Variants in PXYLP1 observed in about 807,000 individuals in gnomAD.
PXYLP1 encodes the protein 2-phosphoxylose phosphatase 1, also known as acid phosphatase-like 2.
A neutral mutation model predicts 37.9 loss-of-function variants in PXYLP1; 17 were observed. The ratio of observed to expected loss-of-function variants is 0.45; its 90% CI spans 0.31 to 0.67. The LOEUF (loss-of-function observed/expected upper bound fraction) is 0.67. Among genes scored for constraint, PXYLP1 ranks in the 30% least tolerant of loss-of-function variants. PXYLP1 has a pLI of 0.07. For synonymous variants in PXYLP1, 221 were observed against 232.2 expected, an observed-to-expected ratio of 0.95 and a Z score of 0.44; for missense variants, 511 against 612.0, an observed-to-expected ratio of 0.84 and a Z score of 1.74.
At chr3:141,262,296 G>A (rs952000253) in intron 2 of PXYLP1, 2 of 997,666 alleles carry the variant, frequency 2.0e-6, no homozygotes, top group Admixed American at 6.0e-5. Context: ...AAATATTCCA[G>A]ATGGCAAATG....
intron 1 of PXYLP1, among the ~76,000 whole-genome samples, chr3:141,250,474 C>T (rs1941116327): frequency 6.6e-6 from 1 of 152,214 alleles, no homozygotes; most frequent in African/African-American, 2.4e-5. Context: ...TGGGCGTCTG[C>T]CAGGAGGTGC....
At chr3:141,285,148 T>TCTTC (rs1553754982) in intron 4 of PXYLP1, among the ~76,000 whole-genome samples, 1 of 134,972 alleles carries the variant, frequency 7.4e-6, no homozygotes, top group Non-Finnish European at 1.6e-5. Context: ...CTTTTTCTTT[T>TCTTC]TTTTTTTTTT....
At chr3:141,248,491 G>A (rs973854773) in intron 1 of PXYLP1, among the ~76,000 whole-genome samples, 4 of 116,676 alleles carry the variant, frequency 3.4e-5, no homozygotes, top group African/African-American at 5.7e-5. Context: ...ATATGTGTGC[G>A]TGTGTGTATA....
intron 1 of PXYLP1, among the ~76,000 whole-genome samples, chr3:141,236,883 G>T (rs1247597417): frequency 6.6e-6 from 1 of 152,072 alleles, no homozygotes; most frequent in African/African-American, 2.4e-5. Flanking sequence ...ATATAAATAT[G>T]AACTATCTTG....
intron 2 of PXYLP1, chr3:141,274,026 G>A (rs1390490401): frequency 3.7e-5 from 36 of 986,280 alleles, no homozygotes; most frequent in Non-Finnish European, 4.2e-5. Context: ...CTCTTGCCCT[G>A]TGACATCTGA....
chr3:141,264,874 C>A (rs747723407), intron 2 of PXYLP1, among the ~76,000 whole-genome samples: 9 of 152,196 alleles, frequency 5.9e-5, no homozygotes, highest in Non-Finnish European at 8.8e-5. Context: ...TATAAAACAC[C>A]CAGAACAGTA....
In PXYLP1 at chr3:141,293,192, GGGAA is replaced by G; in HGVS notation, c.1434_1437del (p.Glu478AspfsTer30). 6.2e-7 allele frequency: 1 copy of G among 1,613,254 alleles called. No individual in the cohort carries two copies. The highest frequency in any genetic ancestry group is 8.5e-7 in the Non-Finnish European group (1 of 1,179,658). On this transcript the variant is annotated frameshift_variant, in exon 6 of 6. Transcript: ENST00000286353. LOFTEE classifies it high-confidence loss of function. ...ACAAATTATTATGATGCATGTCACA[GGGAA>G]GGATTCTAAAAGGTATGCAGTACAG... is the stretch of plus-strand genomic sequence containing the variant.
At chr3:141,290,012 C>T (rs1207694554) in intron 5 of PXYLP1, among the ~76,000 whole-genome samples, 2 of 152,156 alleles carry the variant, frequency 1.3e-5, no homozygotes, top group East Asian at 3.8e-4. Context: ...CTCCTGTTTC[C>T]TCATTCTCTT....
chr3:141,257,562 C>T (rs1941288903), intron 1 of PXYLP1, among the ~76,000 whole-genome samples: 1 of 152,154 alleles, frequency 6.6e-6, no homozygotes, highest in Non-Finnish European at 1.5e-5. Context: ...CCACTGTTTC[C>T]ACCAAATGCC....
chr3:141,282,239 A>G (rs972384958), intron 4 of PXYLP1, among the ~76,000 whole-genome samples: 3 of 152,120 alleles, frequency 2.0e-5, no homozygotes, highest in African/African-American at 7.2e-5. Context: ...CAGGCACTGT[A>G]TGCTGCCTCA....
chr3:141,255,913 CAGGCTGGAAAACCT>C, intron 1 of PXYLP1, among the ~76,000 whole-genome samples: 1 of 152,152 alleles, frequency 6.6e-6, no homozygotes, highest in African/African-American at 2.4e-5. Context: ...GCAGATGTTC[CAGGCTGGAAAACCT>C]AGGGCAAGGC....
At chr3:141,239,211 T>A (rs1480095956) in intron 1 of PXYLP1, among the ~76,000 whole-genome samples, 1 of 152,246 alleles carries the variant, frequency 6.6e-6, no homozygotes, top group East Asian at 1.9e-4. Context: ...CTCTGACTTC[T>A]CTGGTCATGA....
chr3:141,232,187 C>G (rs1188607511), intron 1 of PXYLP1: 2 of 152,606 alleles, frequency 1.3e-5, no homozygotes, highest in Non-Finnish European at 2.9e-5. Context: ...GTCCCAGCCC[C>G]GGCGCCCGCC....
chr3:141,242,953 C>CTGAA (rs1207139327), intron 1 of PXYLP1, among the ~76,000 whole-genome samples: 162 of 152,282 alleles, frequency 1.1e-3, no homozygotes, highest in African/African-American at 3.2e-3. Context: ...CAGTAAATAT[C>CTGAA]TGAATGAATG....
intron 3 of PXYLP1, among the ~76,000 whole-genome samples, chr3:141,279,120 C>T (rs1358776477): frequency 6.6e-6 from 1 of 152,204 alleles, no homozygotes; most frequent in African/African-American, 2.4e-5. Flanking sequence ...CACCAGCCTC[C>T]CGTTGTTTCC....
intron 4 of PXYLP1, among the ~76,000 whole-genome samples, chr3:141,287,062 G>T (rs187089815): frequency 2.6e-5 from 4 of 152,334 alleles, no homozygotes; most frequent in Admixed American, 2.6e-4. Flanking sequence ...AAGATAGACG[G>T]CGAAGCTGAA....
At chr3:141,264,759 G>C (rs947845874) in intron 2 of PXYLP1, among the ~76,000 whole-genome samples, 5 of 152,306 alleles carry the variant, frequency 3.3e-5, no homozygotes, top group South Asian at 4.1e-4. Context: ...GTGACCTCAG[G>C]CAACTTCTTT....
At chr3:141,245,874 A>G (rs1356253327) in intron 1 of PXYLP1, among the ~76,000 whole-genome samples, 2 of 152,246 alleles carry the variant, frequency 1.3e-5, no homozygotes, top group Non-Finnish European at 2.9e-5. Flanking sequence ...TATGAAAAGT[A>G]CACAGCTTTG....
intron 1 of PXYLP1, among the ~76,000 whole-genome samples, chr3:141,237,334 T>G (rs1376617572): frequency 6.6e-6 from 1 of 152,236 alleles, no homozygotes; most frequent in African/African-American, 2.4e-5. Context: ...TTTGTAGATG[T>G]CAGAGGTTCT....
Sources: allele counts gnomAD v4.1 joint callset (sites outside exome capture counted in the v4.1 genomes callset), GRCh38; gene constraint gnomAD v4.1.1; transcripts MANE v1.5; gene names NCBI Gene and HGNC (gene_info 2026-07-23, HGNC 2026-07-21).